SNTG2: variants seen among roughly 807,000 people sequenced by gnomAD.
SNTG2 encodes gamma-2-syntrophin.
A neutral mutation model predicts 70.9 loss-of-function variants in SNTG2; 74 were observed. That is an observed-to-expected ratio of 1.04 (90% CI 0.86 to 1.27). SNTG2 has a LOEUF of 1.27. SNTG2 is among the 50% of genes most tolerant of loss of function. SNTG2 has a pLI of 0.00. For missense variants in SNTG2, 717 were observed against 690.7 expected (o/e 1.04, Z -0.43); for synonymous variants, 278 against 273.8 (o/e 1.02, Z -0.15).
chr2:1,233,875 T>A (rs1418222578), intron 9 of SNTG2, among the ~76,000 whole-genome samples: 1 of 151,862 alleles, frequency 6.6e-6, no homozygotes, highest in Non-Finnish European at 1.5e-5. Flanking sequence ...ATGGCGAGTG[T>A]CTGGGAGCTG....
intron 12 of SNTG2, among the ~76,000 whole-genome samples, chr2:1,248,224 T>C (rs1677550161): frequency 6.6e-6 from 1 of 152,206 alleles, no homozygotes; most frequent in African/African-American, 2.4e-5. Context: ...GATGGCTTTT[T>C]AAGTAAGCGT....
intron 11 of SNTG2, among the ~76,000 whole-genome samples, chr2:1,244,120 C>A (rs1677240164): frequency 6.7e-6 from 1 of 150,194 alleles, no homozygotes; most frequent in Admixed American, 6.6e-5. Flanking sequence ...CACTTTAAAT[C>A]TCTCTACCCC....
At chr2:1,350,973 A>G (rs1280370703) in intron 16 of SNTG2, among the ~76,000 whole-genome samples, 1 of 151,904 alleles carries the variant, frequency 6.6e-6, no homozygotes, top group Non-Finnish European at 1.5e-5. Flanking sequence ...TCCTACTTTT[A>G]CTCTCAATAT....
chr2:1,081,902 A>T (rs918159870), intron 1 of SNTG2, among the ~76,000 whole-genome samples: 1 of 152,240 alleles, frequency 6.6e-6, no homozygotes, highest in Non-Finnish European at 1.5e-5. Flanking sequence ...TGCCAGCCAG[A>T]TAGTCACGTG....
intron 15 of SNTG2, 38 bp downstream of exon 15, chr2:1,308,624 C>T: frequency 1.3e-6 from 2 of 1,501,054 alleles, no homozygotes; most frequent in East Asian, 2.5e-5. Context: ...GCCCCATTGC[C>T]ATGTGCTTGG....
At chr2:1,102,850 C>G (rs1374274153) in intron 4 of SNTG2, 1 of 152,350 alleles carries the variant, frequency 6.6e-6, no homozygotes, top group Non-Finnish European at 1.5e-5. Flanking sequence ...TGGACACTTG[C>G]CTGATGTCCG....
chr2:1,240,215 T>A (rs557445714), intron 11 of SNTG2, among the ~76,000 whole-genome samples: 1 of 152,312 alleles, frequency 6.6e-6, no homozygotes, highest in East Asian at 1.9e-4. Flanking sequence ...CCAGTGGGTG[T>A]TATTGCCAGT....
chr2:1,095,265 C>T (rs1328703230), intron 2 of SNTG2, among the ~76,000 whole-genome samples: 1 of 152,178 alleles, frequency 6.6e-6, no homozygotes, highest in Non-Finnish European at 1.5e-5. Flanking sequence ...GGGACACAGT[C>T]CCATTCCCAG....
At chr2:1,040,093 C>T (rs1347542588) in intron 1 of SNTG2, among the ~76,000 whole-genome samples, 1 of 152,188 alleles carries the variant, frequency 6.6e-6, no homozygotes, top group Non-Finnish European at 1.5e-5. Flanking sequence ...GGGCCTCTGT[C>T]CTCACCTGCA....
chr2:1,222,065 T>C (rs1553362176), intron 9 of SNTG2, among the ~76,000 whole-genome samples: 415 of 1,716 alleles, frequency 0.24, 97 homozygotes, highest in South Asian at 0.5. Flanking sequence ...CTGTCTCTGT[T>C]TCTCTCTGTC....
intron 1 of SNTG2, among the ~76,000 whole-genome samples, chr2:1,031,714 A>G (rs1324504159): frequency 2.6e-5 from 4 of 151,284 alleles, no homozygotes; most frequent in South Asian, 4.2e-4. Flanking sequence ...TCACATTTCT[A>G]TGTAGTAATG....
chr2:961,716 AT>A (rs1663233701), intron 1 of SNTG2, among the ~76,000 whole-genome samples: 1 of 152,124 alleles, frequency 6.6e-6, no homozygotes, highest in Non-Finnish European at 1.5e-5. Context: ...TTCCCAGTGA[AT>A]GGGTCTAAGA....
At chr2:983,307 G>A (rs1451938517) in intron 1 of SNTG2, among the ~76,000 whole-genome samples, 2 of 115,210 alleles carry the variant, frequency 1.7e-5, no homozygotes, top group African/African-American at 3.5e-5. Flanking sequence ...CTGCGGAGGT[G>A]GTGGTCAGGA....
intron 1 of SNTG2, among the ~76,000 whole-genome samples, chr2:1,079,519 G>A (rs1422506400): frequency 2.6e-5 from 4 of 152,108 alleles, no homozygotes; most frequent in Admixed American, 6.6e-5. Context: ...CATCTGGTTC[G>A]CACGGTGTAA....
intron 11 of SNTG2, among the ~76,000 whole-genome samples, chr2:1,246,203 A>G (rs891997251): frequency 1.3e-5 from 2 of 152,212 alleles, no homozygotes; most frequent in Admixed American, 6.5e-5. Flanking sequence ...AACCATGATG[A>G]TAGCTGTTCG....
chr2:1,023,595 G>A (rs1234362152), intron 1 of SNTG2, among the ~76,000 whole-genome samples: 1 of 152,094 alleles, frequency 6.6e-6, no homozygotes, highest in Non-Finnish European at 1.5e-5. Flanking sequence ...ACATTTTTAT[G>A]TTGTGGACAG....
At chr2:1,006,589 G>A (rs1659579114) in intron 1 of SNTG2, among the ~76,000 whole-genome samples, 1 of 152,124 alleles carries the variant, frequency 6.6e-6, no homozygotes, top group Non-Finnish European at 1.5e-5. Flanking sequence ...AACCAACTGT[G>A]GATGGAATGC....
At chr2:1,262,778 G>GCAGACGAGGCAACCCGAAGGCCCCGTC (rs767622889) in intron 13 of SNTG2, 1 of 142,426 alleles carries the variant, frequency 7.0e-6, no homozygotes, top group Non-Finnish European at 1.5e-5. Flanking sequence ...AAGGCTCCGT[G>GCAGACGAGGCAACCCGAAGGCCCCGTC]CAGACGAGGT....
At chr2:1,189,123 A>G (rs1395155884) in intron 8 of SNTG2, among the ~76,000 whole-genome samples, 2 of 152,190 alleles carry the variant, frequency 1.3e-5, no homozygotes, top group East Asian at 3.8e-4. Context: ...AGCATATAAG[A>G]TAACATAAAA....
Sources: gnomAD v4.1 joint callset for allele counts (sites outside exome capture counted in the v4.1 genomes callset) on GRCh38, gnomAD v4.1.1 for gene constraint, MANE v1.5 for transcripts, NCBI Gene and HGNC (gene_info 2026-07-23, HGNC 2026-07-21) for gene names.